EPHB1: variants seen among roughly 807,000 people sequenced by gnomAD.
The protein encoded by EPHB1 is EPH receptor B1, also known as ephrin type-B receptor 1.
In EPHB1, 30 loss-of-function variants were observed where a neutral mutation model predicts 94.4. That is an observed-to-expected ratio of 0.32 (90% CI 0.24 to 0.43). EPHB1 has a LOEUF of 0.43. EPHB1 is among the 20% of genes least tolerant of loss of function. The pLI is 1.00. For synonymous variants in EPHB1, 522 were observed against 489.1 expected, an observed-to-expected ratio of 1.07 and a Z score of -0.89; for missense variants, 1,055 against 1,308.3, an observed-to-expected ratio of 0.81 and a Z score of 2.99.
At chr3:135,188,880 T>C (rs1429081153) in intron 10 of EPHB1, among the ~76,000 whole-genome samples, 1 of 152,204 alleles carries the variant, frequency 6.6e-6, no homozygotes, top group Non-Finnish European at 1.5e-5. Flanking sequence ...AGACACTTCT[T>C]TGCCAGACAG....
At chr3:135,203,598 A>T (rs930765410) in intron 12 of EPHB1, among the ~76,000 whole-genome samples, 7 of 152,188 alleles carry the variant, frequency 4.6e-5, no homozygotes, top group Non-Finnish European at 4.4e-5. Context: ...TATAAATATC[A>T]TTCTTAGCTC....
chr3:134,802,219 GA>G (rs2035947774), intron 1 of EPHB1, among the ~76,000 whole-genome samples: 1 of 151,792 alleles, frequency 6.6e-6, no homozygotes, highest in South Asian at 2.1e-4. Flanking sequence ...GGCGGATCAC[GA>G]GGTCAGGAGA....
At chr3:134,909,754 A>G (rs1162213020) in intron 1 of EPHB1, among the ~76,000 whole-genome samples, 1 of 152,178 alleles carries the variant, frequency 6.6e-6, no homozygotes, top group Non-Finnish European at 1.5e-5. Flanking sequence ...GAAAACCTTC[A>G]CCCCTACCTC....
At chr3:134,938,019 G>C (rs375676288) in intron 2 of EPHB1, among the ~76,000 whole-genome samples, 2 of 151,878 alleles carry the variant, frequency 1.3e-5, no homozygotes, top group African/African-American at 4.8e-5. Context: ...AGGAGGAAAG[G>C]GGGAGGAGAG....
chr3:135,002,513 G>A (rs1299517384), intron 3 of EPHB1, among the ~76,000 whole-genome samples: 3 of 151,856 alleles, frequency 2.0e-5, no homozygotes, highest in Non-Finnish European at 4.4e-5. Flanking sequence ...CTATTGATTG[G>A]AATAGTTTCA....
Position 135,249,505 on chromosome 3 carries a change from A to C in EPHB1, c.2846+14A>C. On this transcript the variant is annotated intron_variant, in intron 15 of 15. Coordinates refer to ENST00000398015, the MANE Select transcript of EPHB1 (RefSeq NM_004441.5). ...GATGACATCAGAGTAAGTGATGAGA[A>C]TCTCTCTGTCCAGACCACACCTAGG... 1 of 1,611,342 alleles carries C rather than the reference A, an allele frequency of 6.2e-7. No individual in the cohort carries two copies. Among genetic ancestry groups the C allele is most frequent in the Non-Finnish European group, 8.5e-7 (1 of 1,178,554 alleles).
At position 135,156,320 on chromosome 3, in the gene EPHB1, G is replaced by A. The variant is rs73862035; in HGVS notation, c.1422+2044G>A. ...TAGATGATAAGAAAGTCCTGAGCCT[G>A]GGTGAGGTCTTGCAGTGGGTCAATG... On this transcript the variant is annotated intron_variant, in intron 6 of 15. Transcript: ENST00000398015. 6.8e-3 allele frequency among the ~76,000 whole-genome samples: 1,034 copies of A among 152,222 alleles called. 15 individuals are homozygous for A. Among genetic ancestry groups the A allele is most frequent in the African/African-American group, 0.023 (972 of 41,528 alleles).
chr3:134,923,500 G>A lies in EPHB1; in HGVS notation c.59-2316G>A, dbSNP rs903644026. 1.6e-4 allele frequency among the ~76,000 whole-genome samples: 24 copies of A among 152,222 alleles called. 1 individual carries two copies. The highest frequency in any genetic ancestry group is 6.5e-4 in the Admixed American group (10 of 15,296). ...CACTCAGGCCCTTTGGCCCCCCTGC[G>A]GTTCCTGAGTGCCATGTTAGTCTGG... is the stretch of plus-strand genomic sequence containing the variant. On this transcript the variant is annotated intron_variant, in intron 1 of 15. Transcript: ENST00000398015.
chr3:134,811,189 A>G (rs1374570520), intron 1 of EPHB1, among the ~76,000 whole-genome samples: 2 of 148,022 alleles, frequency 1.4e-5, no homozygotes, highest in African/African-American at 4.9e-5. Flanking sequence ...TTGCAGCTAA[A>G]CCAGCATTTC....
At chr3:135,202,323 C>T (rs929409146) in intron 12 of EPHB1, among the ~76,000 whole-genome samples, 4 of 152,174 alleles carry the variant, frequency 2.6e-5, no homozygotes, top group African/African-American at 9.7e-5. Flanking sequence ...CTAGTCCCTC[C>T]ATCTCAGTAG....
intron 5 of EPHB1, among the ~76,000 whole-genome samples, chr3:135,143,069 A>G (rs1443511534): frequency 3.3e-5 from 5 of 150,648 alleles, no homozygotes; most frequent in Non-Finnish European, 5.9e-5. Flanking sequence ...GGTGTCCTCA[A>G]GGGACAGCTG....
chr3:135,243,844 A>G lies in EPHB1; in HGVS notation c.2496+2547A>G, dbSNP rs907988903. 2.6e-5 allele frequency among the ~76,000 whole-genome samples: 4 copies of G among 152,136 alleles called. No homozygotes were observed. In the East Asian group the frequency reaches 7.7e-4, roughly 29 times the overall value. ...TTGGAAGTTCTGCTGCTTGGATCTG[A>G]TTGACAGAGATAATGAGAGTGGCAG... On this transcript the variant is annotated intron_variant, in intron 13 of 15. Coordinates refer to ENST00000398015, the MANE Select transcript of EPHB1 (RefSeq NM_004441.5).
chr3:135,102,918 T>C (rs1480352931), intron 3 of EPHB1, among the ~76,000 whole-genome samples: 1 of 151,438 alleles, frequency 6.6e-6, no homozygotes, highest in Non-Finnish European at 1.5e-5. Flanking sequence ...TAAGTAGGAG[T>C]TGAACAATGA....
intron 3 of EPHB1, among the ~76,000 whole-genome samples, chr3:135,054,206 C>CA (rs1937282066): frequency 6.6e-6 from 1 of 151,874 alleles, no homozygotes; most frequent in Non-Finnish European, 1.5e-5. Flanking sequence ...AATTAAGTTA[C>CA]AAAAAAGACT....
intron 3 of EPHB1, among the ~76,000 whole-genome samples, chr3:135,079,152 C>T (rs1938064940): frequency 2.0e-5 from 3 of 152,030 alleles, no homozygotes; most frequent in Admixed American, 2.0e-4. Context: ...TAAACAGTTA[C>T]CCATGATCGC....
chr3:135,237,543 G>T (rs966650881), intron 12 of EPHB1, among the ~76,000 whole-genome samples: 2 of 151,692 alleles, frequency 1.3e-5, no homozygotes, highest in South Asian at 2.1e-4. Context: ...TGACCCCTGC[G>T]GCAGCTCTAG....
rs1188376024 is a variant in EPHB1, at chr3:134,795,806, G to A, written c.58+117G>A. 4 of 1,153,322 alleles carry A rather than the reference G, an allele frequency of 3.5e-6. No homozygotes were observed. In the Admixed American group the frequency reaches 6.0e-5, roughly 17 times the overall value. 71.4% of individuals were successfully genotyped at this position (1,153,322 alleles called of 1,614,324 possible). ...TTGCGGTGCAGGCATCCCGGGACCCGAGGGCAAGGAGGTTTGGGAGCCTCG... is the reference window on the plus strand; with the variant it reads ...TTGCGGTGCAGGCATCCCGGGACCCAAGGGCAAGGAGGTTTGGGAGCCTCG... On this transcript the variant is annotated intron_variant, in intron 1 of 15. Coordinates refer to ENST00000398015, the MANE Select transcript of EPHB1 (RefSeq NM_004441.5).
intron 9 of EPHB1, among the ~76,000 whole-genome samples, chr3:135,171,276 T>C (rs947639826): frequency 9.2e-5 from 14 of 152,242 alleles, no homozygotes; most frequent in African/African-American, 3.4e-4. Flanking sequence ...AAATATTTTA[T>C]GGTCTCCTAA....
intron 13 of EPHB1, among the ~76,000 whole-genome samples, chr3:135,241,699 C>T (rs1244549246): frequency 6.6e-6 from 1 of 152,230 alleles, no homozygotes; most frequent in African/African-American, 2.4e-5. Context: ...GGGCCAGGGC[C>T]TGGGTTCCCA....
Sources: allele counts gnomAD v4.1 joint callset (sites outside exome capture counted in the v4.1 genomes callset), GRCh38; gene constraint gnomAD v4.1.1; transcripts MANE v1.5; gene names NCBI Gene and HGNC (gene_info 2026-07-23, HGNC 2026-07-21).